The following RAPGEF4 variants were observed in gnomAD, a reference collection of about 807,000 sequenced individuals.
RAPGEF4 encodes RAP guanine-nucleotide-exchange factor (GEF) 4.
A neutral mutation model predicts 147.9 loss-of-function variants in RAPGEF4; 66 were observed. That is an observed-to-expected ratio of 0.45 (90% CI 0.37 to 0.55). RAPGEF4 has a LOEUF of 0.55. Ranked by LOEUF, RAPGEF4 falls within the 20% of genes least tolerant of loss-of-function variation. The pLI, the probability that RAPGEF4 is intolerant of heterozygous loss-of-function variation, is 0.00. For synonymous variants in RAPGEF4, 419 were observed against 442.7 expected (o/e 0.95, Z 0.67); for missense variants, 1,071 against 1,257.3 (o/e 0.85, Z 2.24).
chr2:172,794,361 A>G (rs940233859), intron 1 of RAPGEF4, among the ~76,000 whole-genome samples: 16 of 151,144 alleles, frequency 1.1e-4, no homozygotes, highest in South Asian at 2.1e-4. Flanking sequence ...AAAAAAAAAA[A>G]AAAAGAAAAA....
intron 1 of RAPGEF4, among the ~76,000 whole-genome samples, chr2:172,754,578 A>T (rs900457040): frequency 6.6e-6 from 1 of 152,160 alleles, no homozygotes; most frequent in Non-Finnish European, 1.5e-5. Flanking sequence ...AAGTTAAATT[A>T]CTCGTCCAGG....
intron 14 of RAPGEF4, among the ~76,000 whole-genome samples, chr2:172,990,183 A>G (rs1156692035): frequency 6.6e-6 from 1 of 152,232 alleles, no homozygotes; most frequent in Non-Finnish European, 1.5e-5. Context: ...ACTATTTACA[A>G]TGATATTGAA....
chr2:172,804,380 T>A (rs2194720), intron 3 of RAPGEF4, among the ~76,000 whole-genome samples: 95,898 of 151,984 alleles, frequency 0.63, 30,765 homozygotes, highest in East Asian at 0.93. Flanking sequence ...GGGTTGAGGG[T>A]CCTACTTATT....
At chr2:172,964,794 C>T (rs1457160030) in intron 8 of RAPGEF4, among the ~76,000 whole-genome samples, 1 of 152,186 alleles carries the variant, frequency 6.6e-6, no homozygotes, top group African/African-American at 2.4e-5. Context: ...TCTCTCACCC[C>T]ATGGGGAATT....
intron 10 of RAPGEF4, among the ~76,000 whole-genome samples, chr2:172,971,262 C>G (rs1443317209): frequency 6.6e-6 from 1 of 152,174 alleles, no homozygotes; most frequent in South Asian, 2.1e-4. Flanking sequence ...CTTCCAACCA[C>G]TCCTTCCAAG....
At chr2:172,864,625 C>T (rs1390929841) in intron 4 of RAPGEF4, among the ~76,000 whole-genome samples, 2 of 152,174 alleles carry the variant, frequency 1.3e-5, no homozygotes, top group African/African-American at 2.4e-5. Flanking sequence ...AGTTATTGGC[C>T]GGGCACAGCG....
intron 1 of RAPGEF4, among the ~76,000 whole-genome samples, chr2:172,779,160 T>A (rs1684450067): frequency 6.6e-6 from 1 of 152,214 alleles, no homozygotes; most frequent in Non-Finnish European, 1.5e-5. Flanking sequence ...ACAATTGTTT[T>A]TAAAAAAGAA....
intron 4 of RAPGEF4, among the ~76,000 whole-genome samples, chr2:172,842,196 A>T (rs1324197960): frequency 1.3e-5 from 2 of 152,188 alleles, no homozygotes; most frequent in Non-Finnish European, 2.9e-5. Flanking sequence ...CAATGATATT[A>T]ATATGCATTC....
chr2:172,762,137 C>G (rs951929957), intron 1 of RAPGEF4, among the ~76,000 whole-genome samples: 1 of 152,038 alleles, frequency 6.6e-6, no homozygotes, highest in Non-Finnish European at 1.5e-5. Context: ...AAACAAAAAA[C>G]AAACATGCTG....
chr2:172,884,040 C>T (rs1386230575), intron 4 of RAPGEF4, among the ~76,000 whole-genome samples: 1 of 152,166 alleles, frequency 6.6e-6, no homozygotes, highest in Non-Finnish European at 1.5e-5. Flanking sequence ...ATTGATTAGG[C>T]TTCTTCCGGT....
intron 8 of RAPGEF4, among the ~76,000 whole-genome samples, chr2:172,963,063 A>T (rs2011562): frequency 6.6e-6 from 1 of 151,964 alleles, no homozygotes; most frequent in African/African-American, 2.4e-5. Flanking sequence ...ACATCATACC[A>T]TGGCAGAGCA....
At chr2:172,882,734 T>C (rs1696763541) in intron 4 of RAPGEF4, among the ~76,000 whole-genome samples, 1 of 152,148 alleles carries the variant, frequency 6.6e-6, no homozygotes, top group Admixed American at 6.5e-5. Context: ...TAATGTAAAG[T>C]TGAAAAAAGC....
At chr2:173,021,282 G>T (rs190708652) in intron 23 of RAPGEF4, among the ~76,000 whole-genome samples, 1 of 152,278 alleles carries the variant, frequency 6.6e-6, no homozygotes, top group South Asian at 2.1e-4. Context: ...CTTTTAAGTC[G>T]GTGGTAGCAT....
chr2:172,910,384 T>C (rs547659272), intron 4 of RAPGEF4, among the ~76,000 whole-genome samples: 2 of 152,372 alleles, frequency 1.3e-5, no homozygotes, highest in Non-Finnish European at 2.9e-5. Context: ...CAAGGTGATC[T>C]TCCAGCCCTG....
intron 1 of RAPGEF4, among the ~76,000 whole-genome samples, chr2:172,787,470 G>A (rs1382015902): frequency 6.6e-6 from 1 of 151,720 alleles, no homozygotes; most frequent in Admixed American, 6.6e-5. Context: ...GGAACCATGA[G>A]AAGAAGAAAA....
chr2:172,808,143 GAC>G (rs1687681997), intron 3 of RAPGEF4, among the ~76,000 whole-genome samples: 2 of 152,280 alleles, frequency 1.3e-5, no homozygotes, highest in South Asian at 4.2e-4. Flanking sequence ...TTAGTTATAT[GAC>G]ACATAACCAT....
chr2:172,798,463 G>T (rs991192568), intron 3 of RAPGEF4, among the ~76,000 whole-genome samples: 11 of 151,836 alleles, frequency 7.2e-5, no homozygotes, highest in African/African-American at 2.4e-4. Flanking sequence ...CCACCATCAG[G>T]TATCACTATG....
At chr2:172,791,229 C>T (rs1685792115) in intron 1 of RAPGEF4, among the ~76,000 whole-genome samples, 1 of 152,168 alleles carries the variant, frequency 6.6e-6, no homozygotes, top group South Asian at 2.1e-4. Flanking sequence ...AAGGAGTAGG[C>T]TCACCTCTAT....
At chr2:173,003,704 T>C (rs956404541) in intron 17 of RAPGEF4, among the ~76,000 whole-genome samples, 24 of 149,128 alleles carry the variant, frequency 1.6e-4, no homozygotes, top group Non-Finnish European at 2.7e-4. Flanking sequence ...CCTTTTTTTT[T>C]TCTCTCTCTC....
Sources: allele counts gnomAD v4.1 joint callset (sites outside exome capture counted in the v4.1 genomes callset), GRCh38; gene constraint gnomAD v4.1.1; transcripts MANE v1.5; gene names NCBI Gene and HGNC (gene_info 2026-07-23, HGNC 2026-07-21).